PTK2: variants seen among roughly 807,000 people sequenced by gnomAD.
PTK2 encodes the protein protein tyrosine kinase 2.
In PTK2, 45 loss-of-function variants were observed where a neutral mutation model predicts 150.1. That is an observed-to-expected ratio of 0.30 (90% CI 0.24 to 0.38). PTK2 has a LOEUF of 0.38. Ranked by LOEUF, PTK2 falls within the 10% of genes least tolerant of loss-of-function variation. The pLI is 1.00. For synonymous variants in PTK2, 432 were observed against 449.2 expected, an observed-to-expected ratio of 0.96 and a Z score of 0.48; for missense variants, 919 against 1,307.3, an observed-to-expected ratio of 0.70 and a Z score of 4.58.
chr8:140,887,405 G>A (rs1423853149), intron 3 of PTK2, among the ~76,000 whole-genome samples: 1 of 152,160 alleles, frequency 6.6e-6, no homozygotes, highest in Non-Finnish European at 1.5e-5. Context: ...CCTATAAACT[G>A]TGAAATCTTG....
chr8:140,886,403 G>A (rs751149254), intron 3 of PTK2, among the ~76,000 whole-genome samples: 61 of 152,154 alleles, frequency 4.0e-4, no homozygotes, highest in Non-Finnish European at 6.5e-4. Flanking sequence ...TGACAGCTGG[G>A]TAGCACTAAG....
rs2100031449 is a variant in PTK2, at chr8:140,702,714, ATGAG to A, written c.2230-11_2230-8del. 2 of 1,613,126 alleles carry A rather than the reference ATGAG, an allele frequency of 1.2e-6. No homozygotes were observed. The highest frequency in any genetic ancestry group is 1.3e-5 in the African/African-American group (1 of 74,908). On this transcript the variant is annotated splice_polypyrimidine_tract_variant and splice_region_variant and intron_variant, in intron 24 of 31. Transcript: ENST00000522684. ...AACCAGGGTAGCCAGAAACCTGTGAATGAGTAAGGAGGCAAGGTAATGTTCAACT... is the reference window on the plus strand; with the variant it reads ...AACCAGGGTAGCCAGAAACCTGTGAATAAGGAGGCAAGGTAATGTTCAACT...
intron 2 of PTK2, among the ~76,000 whole-genome samples, chr8:140,904,508 T>A (rs967362094): frequency 1.3e-5 from 2 of 152,208 alleles, no homozygotes; most frequent in African/African-American, 4.8e-5. Context: ...GATGCTGACC[T>A]CATAAAATGA....
At chr8:140,690,762 A>C (rs913597943) in intron 26 of PTK2, among the ~76,000 whole-genome samples, 4 of 152,212 alleles carry the variant, frequency 2.6e-5, no homozygotes, top group Non-Finnish European at 5.9e-5. Flanking sequence ...TTCACATAAC[A>C]TTTATATAGG....
chr8:140,690,198 C>T (rs1455024994), intron 26 of PTK2, among the ~76,000 whole-genome samples: 12 of 152,056 alleles, frequency 7.9e-5, no homozygotes, highest in African/African-American at 1.9e-4. Context: ...ATGATCTGCC[C>T]GCCTCGGCCT....
At chr8:140,809,703 G>A (rs2100100286) in intron 10 of PTK2, among the ~76,000 whole-genome samples, 1 of 152,174 alleles carries the variant, frequency 6.6e-6, no homozygotes, top group South Asian at 2.1e-4. Context: ...CTACTTGGGA[G>A]ACTGAGGCAG....
intron 18 of PTK2, among the ~76,000 whole-genome samples, chr8:140,746,278 C>T (rs1267483111): frequency 1.3e-5 from 2 of 152,122 alleles, no homozygotes; most frequent in Non-Finnish European, 2.9e-5. Context: ...CTGCAGTGAG[C>T]TGTGGTTATG....
At chr8:141,001,737 C>G (rs1409640172), upstream of PTK2, among the ~76,000 whole-genome samples, 1 of 152,220 alleles carries the variant, frequency 6.6e-6, no homozygotes, top group African/African-American at 2.4e-5. Flanking sequence ...TGGACGCCCG[C>G]TGTCGGGCAC....
At chr8:140,824,132 G>T (rs1227565538) in intron 8 of PTK2, among the ~76,000 whole-genome samples, 2 of 152,144 alleles carry the variant, frequency 1.3e-5, no homozygotes, top group African/African-American at 2.4e-5. Flanking sequence ...CTTAGACATG[G>T]AATGTGTGTG....
In PTK2 at chr8:140,992,455, G is replaced by A. The variant is rs954583749; in HGVS notation, c.-122+8670C>T. ...ACTGCACTCCAGCCTGTGCCACAGA[G>A]CAAGACTCCGTCTCAAAAACAAAAC... On this transcript the variant is annotated intron_variant, in intron 1 of 31. Coordinates refer to ENST00000522684, the Ensembl canonical transcript of PTK2. Among the ~76,000 whole-genome samples, 14 of 152,256 alleles carry A rather than the reference G, an allele frequency of 9.2e-5. No homozygotes were observed. The East Asian group carries it at 2.7e-3, about 29-fold the overall frequency.
intron 2 of PTK2, 25 bp from the exon 3 acceptor site, chr8:140,890,794 T>C: frequency 6.3e-7 from 1 of 1,583,468 alleles, no homozygotes; most frequent in South Asian, 1.1e-5. Context: ...AAATAATTTT[T>C]TGTGTATAAT....
At chr8:140,877,643 G>A (rs1223814882) in intron 4 of PTK2, among the ~76,000 whole-genome samples, 1 of 151,806 alleles carries the variant, frequency 6.6e-6, no homozygotes, top group Non-Finnish European at 1.5e-5. Context: ...TGACGACAAG[G>A]CATCAATGTC....
At chr8:140,802,971 C>T (rs1448223047) in intron 11 of PTK2, among the ~76,000 whole-genome samples, 1 of 147,064 alleles carries the variant, frequency 6.8e-6, no homozygotes, top group African/African-American at 2.5e-5. Context: ...CATATAATTC[C>T]AAGAAGTTAA....
At position 140,939,874 on chromosome 8, in the gene PTK2, G is replaced by A. The variant is rs149768184; in HGVS notation, c.-121-14125C>T. On this transcript the variant is annotated intron_variant, in intron 1 of 31. Coordinates refer to ENST00000522684, the Ensembl canonical transcript of PTK2. ...AGAAAGATACCTTTTAAAAGGGAGA[G>A]ACTGAGTTACTAAAATTTACATCAA... Among the ~76,000 whole-genome samples, 42 of 152,274 alleles carry A rather than the reference G, an allele frequency of 2.8e-4. 1 individual carries two copies. The East Asian group carries it at 8.1e-3, about 29-fold the overall frequency.
intron 1 of PTK2, among the ~76,000 whole-genome samples, chr8:140,980,060 A>G (rs1476815939): frequency 6.6e-6 from 1 of 152,212 alleles, no homozygotes; most frequent in Non-Finnish European, 1.5e-5. Flanking sequence ...GGCCAGCCCT[A>G]TAACTCAGCA....
intron 2 of PTK2, among the ~76,000 whole-genome samples, chr8:140,896,393 TAAC>T (rs1159450287): frequency 2.0e-5 from 3 of 152,170 alleles, no homozygotes; most frequent in African/African-American, 4.8e-5. Context: ...GCAAAAATCT[TAAC>T]AAGTATAATC....
At chr8:140,971,829 C>T (rs1353540954) in intron 1 of PTK2, among the ~76,000 whole-genome samples, 1 of 152,156 alleles carries the variant, frequency 6.6e-6, no homozygotes, top group South Asian at 2.1e-4. Context: ...TTTCAAACTC[C>T]GATGCAAGTA....
chr8:140,943,404 G>A (rs554761135), intron 1 of PTK2, among the ~76,000 whole-genome samples: 3 of 152,322 alleles, frequency 2.0e-5, no homozygotes, highest in South Asian at 2.1e-4. Flanking sequence ...TGTTAGGTGC[G>A]TCAGCAGTTA....
intron 12 of PTK2, among the ~76,000 whole-genome samples, chr8:140,795,076 T>C (rs1050600616): frequency 2.0e-5 from 3 of 152,218 alleles, no homozygotes; most frequent in African/African-American, 7.2e-5. Flanking sequence ...AAAGTCCTCT[T>C]ACTTGTCACT....
Sources: allele counts gnomAD v4.1 joint callset (sites outside exome capture counted in the v4.1 genomes callset), GRCh38; gene constraint gnomAD v4.1.1; transcripts MANE v1.5; gene names NCBI Gene and HGNC (gene_info 2026-07-23, HGNC 2026-07-21).